SELP: variants seen among roughly 807,000 people sequenced by gnomAD.
The protein encoded by SELP is P-selectin.
A neutral mutation model predicts 104.1 loss-of-function variants in SELP; 92 were observed. The observed-to-expected ratio is 0.88, with a 90% CI of 0.75 to 1.05. SELP has a LOEUF of 1.05. SELP is among the 50% of genes least tolerant of loss of function. The pLI is 0.00. For synonymous variants in SELP, 397 were observed against 364.5 expected (o/e 1.09, Z -1.01); for missense variants, 1,022 against 1,017.3 (o/e 1.00, Z -0.06).
intron 10 of SELP, among the ~76,000 whole-genome samples, chr1:169,599,748 A>G (rs1661807191): frequency 6.6e-6 from 1 of 152,118 alleles, no homozygotes; most frequent in South Asian, 2.1e-4. Flanking sequence ...ATGTTGGGGG[A>G]ATGAAGAAAA....
rs1438955002 is a variant in SELP at position 169,591,401 on chromosome 1, C to G, written c.2438+25G>C. ...TAAAGTTAAGGTAGCAAAATTTACT[C>G]AATCATAAAACATTTCTACCTTACC... On this transcript the variant is annotated intron_variant, in intron 15 of 16. Coordinates refer to ENST00000263686, the MANE Select transcript of SELP (RefSeq NM_003005.4). The G allele has an allele frequency of 3.3e-6, 5 of 1,534,504 alleles. No individual in the cohort carries two copies. In the East Asian group the frequency reaches 6.9e-5, roughly 21 times the overall value.
At chr1:169,609,785 T>C in intron 7 of SELP, 96 bp from the exon 8 acceptor site, 3 of 1,168,206 alleles carry the variant, frequency 2.6e-6, no homozygotes, top group Middle Eastern at 2.5e-4. Flanking sequence ...CTGTCCACAT[T>C]TTCAGTGTGT....
At chr1:169,590,530 T>G (rs1385058573) in intron 15 of SELP, among the ~76,000 whole-genome samples, 1 of 152,112 alleles carries the variant, frequency 6.6e-6, no homozygotes, top group Non-Finnish European at 1.5e-5. Context: ...AATCTAACGA[T>G]AGTTTTCAAA....
chr1:169,601,317 G>A (rs1157197632), intron 10 of SELP, among the ~76,000 whole-genome samples: 2 of 152,122 alleles, frequency 1.3e-5, no homozygotes, highest in African/African-American at 4.8e-5. Flanking sequence ...TCTTGACCAG[G>A]GAAGCGACCT....
At chr1:169,626,910 C>T (rs771890693) in intron 1 of SELP, among the ~76,000 whole-genome samples, 11 of 152,106 alleles carry the variant, frequency 7.2e-5, no homozygotes, top group Non-Finnish European at 1.5e-4. Context: ...TGGCCTGGAG[C>T]CCCTGGGCTC....
intron 1 of SELP, among the ~76,000 whole-genome samples, chr1:169,627,669 A>G (rs759943318): frequency 9.9e-5 from 15 of 152,196 alleles, no homozygotes; most frequent in Non-Finnish European, 1.8e-4. Flanking sequence ...TTTTTTATGT[A>G]GTAAGTCATT....
intron 4 of SELP, among the ~76,000 whole-genome samples, chr1:169,613,366 CCCTTTT>C (rs1662643420): frequency 6.6e-6 from 1 of 152,148 alleles, no homozygotes; most frequent in African/African-American, 2.4e-5. Context: ...CTTTCCCTTT[CCCTTTT>C]CTTTTTTGAA....
intron 12 of SELP, among the ~76,000 whole-genome samples, chr1:169,595,450 G>A (rs1255820663): frequency 6.6e-6 from 1 of 152,142 alleles, no homozygotes. Context: ...ACTGTGCTAT[G>A]TTTTGTGGGG....
In SELP at chr1:169,630,063, TAA is replaced by T; in HGVS notation, c.3+7_3+8del. 1 of 1,613,966 alleles carries T rather than the reference TAA, an allele frequency of 6.2e-7. No individual in the cohort carries two copies. Among genetic ancestry groups the T allele is most frequent in the Non-Finnish European group, 8.5e-7 (1 of 1,179,986 alleles). On this transcript the variant is annotated splice_region_variant and intron_variant, in intron 1 of 16. Coordinates refer to ENST00000263686, the MANE Select transcript of SELP (RefSeq NM_003005.4). ...CAACCACTTCCCATGCAGAAAAAAA[TAA>T]ACTCACCATCTCCTCTGTGACTCTG...
At chr1:169,628,394 A>G (rs1380452391) in intron 1 of SELP, among the ~76,000 whole-genome samples, 1 of 152,222 alleles carries the variant, frequency 6.6e-6, no homozygotes, top group African/African-American at 2.4e-5. Flanking sequence ...AGGTTTCTGA[A>G]TCTTTGGGGC....
At chr1:169,627,907 T>C (rs1279719157) in intron 1 of SELP, among the ~76,000 whole-genome samples, 2 of 152,208 alleles carry the variant, frequency 1.3e-5, no homozygotes, top group Non-Finnish European at 2.9e-5. Flanking sequence ...TTTTTTTGTT[T>C]TGTTTTTGAG....
chr1:169,603,959 T>C (rs890337140), intron 9 of SELP, among the ~76,000 whole-genome samples: 11 of 152,230 alleles, frequency 7.2e-5, no homozygotes, highest in Non-Finnish European at 1.5e-4. Flanking sequence ...CCTTTGGGTA[T>C]ATACCCAGTC....
intron 1 of SELP, among the ~76,000 whole-genome samples, chr1:169,624,398 A>G (rs538160932): frequency 1.4e-4 from 22 of 152,318 alleles, no homozygotes; most frequent in African/African-American, 5.1e-4. Context: ...TCATTAGAAT[A>G]ACATCCTGTG....
chr1:169,596,264 A>C, intron 11 of SELP, 130 bp from the exon 12 acceptor site: 2 of 777,176 alleles, frequency 2.6e-6, no homozygotes, highest in South Asian at 3.5e-5. Flanking sequence ...GAGCTATTTA[A>C]GGAAGTTAAG....
At chr1:169,593,845 G>A in intron 13 of SELP, 121 bp from the exon 14 acceptor site, 1 of 950,410 alleles carries the variant, frequency 1.1e-6, no homozygotes. Flanking sequence ...ATCACCAAAG[G>A]TCCTGGGAAT....
At chr1:169,602,531 A>C (rs1661960122) in intron 10 of SELP, among the ~76,000 whole-genome samples, 1 of 152,220 alleles carries the variant, frequency 6.6e-6, no homozygotes, top group African/African-American at 2.4e-5. Flanking sequence ...TTATCTATAA[A>C]ATGAGATGAT....
chr1:169,613,391 G>T (rs3917720), intron 4 of SELP, among the ~76,000 whole-genome samples, 195 bp downstream of exon 4: 4,192 of 152,152 alleles, frequency 0.028, 124 homozygotes, highest in African/African-American at 0.076. Context: ...AAATTTATGA[G>T]TCAATGTTTT....
At chr1:169,611,428 G>C (rs1327432713) in intron 7 of SELP, 64 bp downstream of exon 7, 1 of 1,527,650 alleles carries the variant, frequency 6.5e-7, no homozygotes, top group East Asian at 2.3e-5. Flanking sequence ...GAGAGCCCTT[G>C]GCCTCTCTAC....
intron 4 of SELP, 145 bp from the exon 5 acceptor site, chr1:169,613,259 T>G: frequency 1.3e-6 from 1 of 756,884 alleles, no homozygotes; most frequent in Non-Finnish European, 2.0e-6. Context: ...CTACTTGGTC[T>G]CTTTGTATTG....
Sources: gnomAD v4.1 joint callset for allele counts (sites outside exome capture counted in the v4.1 genomes callset) on GRCh38, gnomAD v4.1.1 for gene constraint, MANE v1.5 for transcripts, NCBI Gene and HGNC (gene_info 2026-07-23, HGNC 2026-07-21) for gene names.